The following CASP6 variants were observed in gnomAD, a reference collection of about 807,000 sequenced individuals.
CASP6 encodes caspase 6, also known as caspase-6.
CASP6 carries 20 observed loss-of-function variants against 31.8 expected under a neutral mutation model. The observed-to-expected ratio is 0.63, with a 90% CI of 0.44 to 0.91. CASP6 has a LOEUF of 0.91. Among genes scored for constraint, CASP6 ranks in the 40% least tolerant of loss-of-function variants. The pLI is 0.00. For missense variants in CASP6, 328 were observed against 361.1 expected (o/e 0.91, Z 0.74); for synonymous variants, 130 against 127.8 (o/e 1.02, Z -0.12).
chr4:109,705,400 G>A (rs1412842808), upstream of CASP6, among the ~76,000 whole-genome samples: 1 of 152,208 alleles, frequency 6.6e-6, no homozygotes, highest in East Asian at 1.9e-4. Flanking sequence ...GATGTACAGA[G>A]ACTGATGCTG....
At chr4:109,693,194 A>G (rs5030578) in intron 5 of CASP6, among the ~76,000 whole-genome samples, 86,170 of 151,532 alleles carry the variant, frequency 0.57, 24,748 homozygotes, top group South Asian at 0.68. Flanking sequence ...AGGCCTCACC[A>G]GAAGCAGATG....
At position 109,697,708 on chromosome 4, in the gene CASP6, T is replaced by G; in HGVS notation, c.144A>C (p.Leu48Phe). 6.2e-7 allele frequency: 1 copy of G among 1,614,086 alleles called. No homozygotes were observed. The highest frequency in any genetic ancestry group is 2.2e-5 in the East Asian group (1 of 44,890). The change falls in exon 3 of 7, where the codon TTA (leucine) becomes TTC (phenylalanine). Residue 48 changes from leucine to phenylalanine, a missense_variant. Transcript: ENST00000265164. The stretch of plus-strand genomic sequence containing the variant: ...AAAAGAACCTCTCATGATTGAAGAT[T>G]AAAGCAATTCCTCTCCTCCTGTGGT... ...KMDHRRRGIA[L>F]IFNHERFFWH...
At chr4:109,696,584 A>C in intron 3 of CASP6, 98 bp from the exon 4 acceptor site, 1 of 746,034 alleles carries the variant, frequency 1.3e-6, no homozygotes, top group Non-Finnish European at 2.2e-6. Context: ...ACGACACATA[A>C]ATTTGCTTTC....
At chr4:109,673,955 C>T in the CASP6 span, 3 of 825,040 alleles carry the variant, frequency 3.6e-6, no homozygotes, top group Non-Finnish European at 6.5e-6. Flanking sequence ...GCAGGTTTTG[C>T]AGCAGTTGTT....
intron 4 of CASP6, among the ~76,000 whole-genome samples, chr4:109,695,979 G>A (rs1479417196): frequency 6.6e-6 from 1 of 152,126 alleles, no homozygotes; most frequent in Non-Finnish European, 1.5e-5. Context: ...GTTATAATTA[G>A]AATACCTACC....
chr4:109,679,474 C>T, the CASP6 span, among the ~76,000 whole-genome samples: 23 of 152,272 alleles, frequency 1.5e-4, no homozygotes, highest in African/African-American at 5.5e-4. Flanking sequence ...GGCGAAACCC[C>T]GTCTCCACCA....
At chr4:109,673,980 C>T in the CASP6 span, 11 of 948,108 alleles carry the variant, frequency 1.2e-5, no homozygotes, top group Non-Finnish European at 1.9e-5. Context: ...ATGGATTACA[C>T]AAACTGAAGA....
chr4:109,686,980 T>G (rs1168735995), downstream of CASP6, among the ~76,000 whole-genome samples: 1 of 152,062 alleles, frequency 6.6e-6, no homozygotes, highest in Non-Finnish European at 1.5e-5. Flanking sequence ...TTTTTAAGAA[T>G]ATTAAGTGGA....
At chr4:109,685,781 C>G (rs1729825443), downstream of CASP6, among the ~76,000 whole-genome samples, 2 of 152,196 alleles carry the variant, frequency 1.3e-5, no homozygotes, top group African/African-American at 4.8e-5. Context: ...CTGAAAGGCA[C>G]TTACTCAGGT....
chr4:109,678,324 G>A, the CASP6 span, among the ~76,000 whole-genome samples: 7 of 152,184 alleles, frequency 4.6e-5, no homozygotes, highest in South Asian at 4.1e-4. Flanking sequence ...CTCGATGGTC[G>A]CTGTCTCTTC....
chr4:109,698,397 T>G (rs374279364), intron 1 of CASP6, 55 bp from the exon 2 acceptor site: 1 of 1,467,656 alleles, frequency 6.8e-7, no homozygotes, highest in African/African-American at 1.4e-5. Context: ...CAGTAAAATA[T>G]AGTAGGAACT....
intron 5 of CASP6, chr4:109,692,803 A>G (rs1231213514): frequency 6.6e-6 from 1 of 152,254 alleles, no homozygotes; most frequent in Non-Finnish European, 1.5e-5. Flanking sequence ...ATTCCAATGC[A>G]GTTGTCCAAA....
chr4:109,681,921 C>T, the CASP6 span, among the ~76,000 whole-genome samples: 9 of 152,330 alleles, frequency 5.9e-5, no homozygotes, highest in Admixed American at 1.3e-4. Flanking sequence ...AGCTCCCATA[C>T]GAAGGGAGGG....
intron 1 of CASP6, among the ~76,000 whole-genome samples, chr4:109,701,177 G>A (rs1264754179): frequency 6.6e-6 from 1 of 151,996 alleles, no homozygotes; most frequent in Non-Finnish European, 1.5e-5. Flanking sequence ...GTCCTGGCTG[G>A]TCTTGAACTC....
At position 109,690,257 on chromosome 4, in the gene CASP6, C is replaced by T. The variant is rs756251227; in HGVS notation, c.643+593G>A. The stretch of plus-strand genomic sequence containing the variant: ...ACTATAAAAAAAAAAAACGCACGCA[C>T]GCACGCAATGGCTCATACCTGTACT... On this transcript the variant is annotated intron_variant, in intron 6 of 6. Coordinates refer to ENST00000265164, the MANE Select transcript of CASP6 (RefSeq NM_001226.4). Among the ~76,000 whole-genome samples, 120 of 149,096 alleles carry T rather than the reference C, an allele frequency of 8.0e-4. 1 individual carries two copies. The highest frequency in any genetic ancestry group is 8.0e-4 in the Admixed American group (12 of 14,962).
chr4:109,707,740 A>G (rs1730649107), upstream of CASP6, among the ~76,000 whole-genome samples: 1 of 152,148 alleles, frequency 6.6e-6, no homozygotes, highest in Non-Finnish European at 1.5e-5. Context: ...GGACAGAACC[A>G]TGCAGAAATT....
rs1730496436 is a variant in CASP6 at position 109,703,433 on chromosome 4, T to C, written c.-38A>G. 1 of 1,606,342 alleles carries C rather than the reference T, an allele frequency of 6.2e-7. No homozygotes were observed. The highest frequency in any genetic ancestry group is 8.5e-7 in the Non-Finnish European group (1 of 1,176,938). On this transcript the variant is annotated 5_prime_UTR_variant, in exon 1 of 7. Transcript: ENST00000265164. ...CGCAGCCAGACACCTTGCCCTCCTC[T>C]TCCTGAAGCCACAGGCTCCCGGGCC...
At chr4:109,701,884 G>A (rs1316016951) in intron 1 of CASP6, among the ~76,000 whole-genome samples, 1 of 152,134 alleles carries the variant, frequency 6.6e-6, no homozygotes, top group African/African-American at 2.4e-5. Context: ...CAAAGTCTCT[G>A]TAGGCCCATC....
the CASP6 span, chr4:109,673,925 C>T: frequency 1.3e-6 from 1 of 780,830 alleles, no homozygotes; most frequent in Non-Finnish European, 2.4e-6. Flanking sequence ...AAAGAGGCAC[C>T]ATTCGTACCC....
Sources: allele counts gnomAD v4.1 joint callset (sites outside exome capture counted in the v4.1 genomes callset), GRCh38; gene constraint gnomAD v4.1.1; transcripts MANE v1.5; gene names NCBI Gene and HGNC (gene_info 2026-07-23, HGNC 2026-07-21).